The following KLK6 variants were observed in gnomAD, a reference collection of about 807,000 sequenced individuals.
KLK6 encodes the protein kallikrein-6.
KLK6 carries 16 observed loss-of-function variants against 21.7 expected under a neutral mutation model. The observed-to-expected ratio is 0.74, with a 90% confidence interval of 0.50 to 1.12. The LOEUF (loss-of-function observed/expected upper bound fraction) is 1.12. Ranked by LOEUF, KLK6 falls within the 50% of genes most tolerant of loss-of-function variation. KLK6 has a pLI of 0.00. For synonymous variants in KLK6, 116 were observed against 120.1 expected (o/e 0.97, Z 0.22); for missense variants, 276 against 304.6 (o/e 0.91, Z 0.70).
intron 4 of KLK6, among the ~76,000 whole-genome samples, chr19:50,965,567 C>T (rs2090912945): frequency 6.6e-6 from 1 of 152,194 alleles, no homozygotes; most frequent in Admixed American, 6.5e-5. Context: ...CGTGAGCCAC[C>T]ATGCCCAGCC....
Position 50,960,894 on chromosome 19 carries a change from T to C in KLK6, c.582+850A>G, listed in dbSNP as rs566346528. On this transcript the variant is annotated intron_variant, in intron 6 of 6. Coordinates refer to ENST00000310157, the MANE Select transcript of KLK6 (RefSeq NM_002774.4). The stretch of plus-strand genomic sequence containing the variant: ...GATTCTCCTGCCACAGCCTCCTGAG[T>C]AGCTGGGACTACAGGCGCCTGCCAC... Among the ~76,000 whole-genome samples, 3 of 152,248 alleles carry C rather than the reference T, an allele frequency of 2.0e-5. No homozygotes were observed. In the East Asian group the frequency reaches 5.8e-4, roughly 29 times the overall value.
chr19:50,965,285 C>T (rs1296814398), intron 4 of KLK6, among the ~76,000 whole-genome samples: 4 of 147,756 alleles, frequency 2.7e-5, no homozygotes, highest in Non-Finnish European at 6.0e-5. Flanking sequence ...CTGCTTCTTT[C>T]TTTCCTTTTT....
At chr19:50,963,237 C>G (rs1388924649) in intron 5 of KLK6, 65 bp downstream of exon 5, 7 of 1,564,926 alleles carry the variant, frequency 4.5e-6, no homozygotes, top group Admixed American at 3.5e-5. Context: ...TTCCCACTCC[C>G]CATCCTTTGG....
rs1407307195 is a variant in KLK6, at chr19:50,966,579, T to C, written c.197+590A>G. 2.6e-5 allele frequency among the ~76,000 whole-genome samples: 4 copies of C among 152,120 alleles called. No individual in the cohort carries two copies. The East Asian group carries it at 7.7e-4, about 29-fold the overall frequency. On this transcript the variant is annotated intron_variant, in intron 4 of 6. Transcript: ENST00000310157. Reference sequence around the variant, plus strand: ...TCTTTGGGAGGGCGAGGCGGGCGGATCACCTGAGGTCAGGAGTTCGAGACC... The same window carrying C: ...TCTTTGGGAGGGCGAGGCGGGCGGACCACCTGAGGTCAGGAGTTCGAGACC...
In KLK6 at chr19:50,963,736, A is replaced by G. The variant is rs1600093747; in HGVS notation, c.198-187T>C. 1.7e-5 allele frequency: 11 copies of G among 645,066 alleles called. No individual in the cohort carries two copies. In the East Asian group the frequency reaches 3.1e-4, roughly 18 times the overall value. The allele number at this position is 645,066 out of a possible 1,614,324, so 40.0% of individuals were successfully genotyped here. A position where few individuals can be genotyped will look rare whatever the true frequency, so the allele number is the denominator to read the frequency against. ...CTTCACTCTCTTTATTTCATGCCCT[A>G]CATCCAAGCTGTCCAGAATTCCTTT... On this transcript the variant is annotated intron_variant, in intron 4 of 6. Transcript: ENST00000310157.
At chr19:50,967,052 C>A in intron 4 of KLK6, 117 bp downstream of exon 4, 2 of 1,103,788 alleles carry the variant, frequency 1.8e-6, no homozygotes, top group Non-Finnish European at 2.7e-6. Flanking sequence ...ATGCACCTGG[C>A]TATCAGATGG....
intron 6 of KLK6, 37 bp downstream of exon 6, chr19:50,961,707 C>G (rs753149521): frequency 1.9e-6 from 3 of 1,605,502 alleles, no homozygotes; most frequent in Non-Finnish European, 2.6e-6. Flanking sequence ...TTCGTCCTGT[C>G]CCTGGCTGTG....
intron 5 of KLK6, 86 bp downstream of exon 5, chr19:50,963,216 C>T (rs1323365650): frequency 2.0e-6 from 3 of 1,534,596 alleles, no homozygotes; most frequent in African/African-American, 1.4e-5. Flanking sequence ...TCCCATGGCC[C>T]CTCACCAATT....
chr19:50,960,437 A>G (rs929590183), intron 6 of KLK6, among the ~76,000 whole-genome samples: 2 of 152,140 alleles, frequency 1.3e-5, no homozygotes, highest in African/African-American at 4.8e-5. Flanking sequence ...ATGGATGACA[A>G]TGGAGGAAAC....
intron 6 of KLK6, among the ~76,000 whole-genome samples, chr19:50,959,826 G>GGAA (rs1169821377): frequency 2.5e-5 from 1 of 39,786 alleles, no homozygotes; most frequent in East Asian, 8.9e-4. Flanking sequence ...AAGAGGAGGA[G>GGAA]GAAGAGGAGA....
At chr19:50,967,082 G>T (rs1600098560) in intron 4 of KLK6, 87 bp downstream of exon 4, 2 of 1,450,672 alleles carry the variant, frequency 1.4e-6, no homozygotes, top group Non-Finnish European at 1.9e-6. Context: ...GGGATGGGGG[G>T]GATGCCTATG....
chr19:50,967,145 T>G lies in KLK6; in HGVS notation c.197+24A>C, dbSNP rs1314167725. On this transcript the variant is annotated intron_variant, in intron 4 of 6. Coordinates refer to ENST00000310157, the MANE Select transcript of KLK6 (RefSeq NM_002774.4). Reference sequence around the variant, plus strand: ...ACCCTCAGGGTTCAGTCGCATCTGCTGTTCATTTACAGTGTAGACTCACGG... The same window carrying G: ...ACCCTCAGGGTTCAGTCGCATCTGCGGTTCATTTACAGTGTAGACTCACGG... The G allele has an allele frequency of 2.5e-6, 4 of 1,613,692 alleles. No individual in the cohort carries two copies. The South Asian group carries it at 4.4e-5, about 18-fold the overall frequency.
At chr19:50,968,488 A>C in intron 2 of KLK6, 53 bp downstream of exon 2, 1 of 263,708 alleles carries the variant, frequency 3.8e-6, no homozygotes, top group Admixed American at 4.7e-5. Context: ...CTCTGTGCGC[A>C]ATGGCCACCC....
intron 4 of KLK6, 32 bp from the exon 5 acceptor site, chr19:50,963,581 A>T (rs2123638529): frequency 1.2e-6 from 2 of 1,610,044 alleles, no homozygotes; most frequent in East Asian, 2.2e-5. Flanking sequence ...TCTCACCTGG[A>T]GCCCTTGGGC....
At position 50,968,047 on chromosome 19, in the gene KLK6, CA is replaced by C. The variant is rs764995604; in HGVS notation, c.40+17del. ...ACCCTGTCTGCAAGCCTCCCCCATC[CA>C]AATGCCCTTTCCCCACCTGCAGCAA... On this transcript the variant is annotated intron_variant, in intron 3 of 6. Coordinates refer to ENST00000310157, the MANE Select transcript of KLK6 (RefSeq NM_002774.4). The C allele has an allele frequency of 1.2e-6, 2 of 1,613,464 alleles. No individual in the cohort carries two copies. Among genetic ancestry groups the C allele is most frequent in the South Asian group, 2.2e-5 (2 of 91,060 alleles).
intron 6 of KLK6, among the ~76,000 whole-genome samples, chr19:50,959,835 GAA>G (rs2090792731): frequency 3.1e-5 from 1 of 32,074 alleles, no homozygotes; most frequent in Non-Finnish European, 5.9e-5. Context: ...AGGAAGAGGA[GAA>G]GAAGGAGGAA....
Position 50,963,556 on chromosome 19 carries a change from A to C in KLK6, c.198-7T>G. On this transcript the variant is annotated splice_region_variant and splice_polypyrimidine_tract_variant and intron_variant, in intron 4 of 6. Coordinates refer to ENST00000310157, the MANE Select transcript of KLK6 (RefSeq NM_002774.4). The stretch of plus-strand genomic sequence containing the variant: ...CAGGAAGACCTGAAGATTCCTGGGA[A>C]GGAAGAGGGCTGGGTCTCACCTGGA... The C allele has an allele frequency of 6.2e-7, 1 of 1,613,866 alleles. No individual in the cohort carries two copies. The highest frequency in any genetic ancestry group is 8.5e-7 in the Non-Finnish European group (1 of 1,179,880).
intron 5 of KLK6, chr19:50,962,406 A>G (rs1201910253): frequency 2.0e-5 from 3 of 153,350 alleles, no homozygotes; most frequent in Non-Finnish European, 2.9e-5. Context: ...TCTTCATCCA[A>G]TGGTCCACCT....
intron 1 of KLK6, among the ~76,000 whole-genome samples, chr19:50,969,160 G>C (rs1356279417): frequency 6.7e-6 from 1 of 149,608 alleles, no homozygotes; most frequent in African/African-American, 2.5e-5. Flanking sequence ...GAGTCTGAGG[G>C]AGGAGGTGGG....
Sources: gnomAD v4.1 joint callset for allele counts (sites outside exome capture counted in the v4.1 genomes callset) on GRCh38, gnomAD v4.1.1 for gene constraint, MANE v1.5 for transcripts, NCBI Gene and HGNC (gene_info 2026-07-23, HGNC 2026-07-21) for gene names.